The following RPGRIP1L variants were observed in gnomAD, a reference collection of about 807,000 sequenced individuals.
RPGRIP1L encodes protein fantom.
RPGRIP1L carries 131 observed loss-of-function variants against 160.4 expected under a neutral mutation model. That is an observed-to-expected ratio of 0.82 (90% CI 0.71 to 0.94). The LOEUF (loss-of-function observed/expected upper bound fraction) is 0.94. RPGRIP1L is among the 40% of genes least tolerant of loss of function. RPGRIP1L has a pLI of 0.00. For missense variants in RPGRIP1L, 1,522 were observed against 1,535.8 expected, an observed-to-expected ratio of 0.99 and a Z score of 0.15; for synonymous variants, 510 against 515.8, an observed-to-expected ratio of 0.99 and a Z score of 0.15.
intron 6 of RPGRIP1L, among the ~76,000 whole-genome samples, chr16:53,683,744 A>G (rs200360162): frequency 7.3e-6 from 1 of 137,234 alleles, no homozygotes; most frequent in Non-Finnish European, 1.6e-5. Flanking sequence ...TTCAAGAAAG[A>G]ATATTTAAAA....
chr16:53,676,445 C>CT (rs963444336), intron 6 of RPGRIP1L, among the ~76,000 whole-genome samples: 6 of 151,776 alleles, frequency 4.0e-5, no homozygotes, highest in Non-Finnish European at 5.9e-5. Flanking sequence ...AGAAAATATT[C>CT]TTTTTTTCAT....
In RPGRIP1L at chr16:53,646,029, A is replaced by G. The variant is rs775555159; in HGVS notation, c.2305-26T>C. The G allele has an allele frequency of 8.7e-6, 14 of 1,610,272 alleles. No homozygotes were observed. The East Asian group carries it at 3.1e-4, about 36-fold the overall frequency. On this transcript the variant is annotated intron_variant, in intron 16 of 26. Coordinates refer to ENST00000647211, the MANE Select transcript of RPGRIP1L (RefSeq NM_015272.5). The stretch of plus-strand genomic sequence containing the variant: ...CTGGAAAAACATACATATTTATATT[A>G]AGGAAATAACACAGTTAAAAGATGA...
chr16:53,703,859 C>T lies in RPGRIP1L; in HGVS notation c.-64G>A, dbSNP rs904441080. 4 of 504,830 alleles carry T rather than the reference C, an allele frequency of 7.9e-6. No individual in the cohort carries two copies. Among genetic ancestry groups the T allele is most frequent in the East Asian group, 3.6e-5 (1 of 28,132 alleles). 31.3% of individuals were successfully genotyped at this position (504,830 alleles called of 1,614,324 possible). A position where few individuals can be genotyped will look rare whatever the true frequency, so the allele number is the denominator to read the frequency against. On this transcript the variant is annotated 5_prime_UTR_variant, in exon 1 of 27. Transcript: ENST00000647211. ...GCTATAGCGCCGACAGCGTGGCGGG[C>T]GGCTGGCCGAGAGGAGCACGGGAGA...
At chr16:53,645,285 G>A (rs1398593328) in intron 17 of RPGRIP1L, among the ~76,000 whole-genome samples, 1 of 151,712 alleles carries the variant, frequency 6.6e-6, no homozygotes, top group Admixed American at 6.6e-5. Flanking sequence ...AATACATAGA[G>A]ATGCATACTA....
chr16:53,641,768 A>G (rs1420568100), intron 17 of RPGRIP1L, among the ~76,000 whole-genome samples: 1 of 152,210 alleles, frequency 6.6e-6, no homozygotes, highest in Non-Finnish European at 1.5e-5. Flanking sequence ...CAATTAATTT[A>G]TAAATAACTT....
Position 53,602,141 on chromosome 16 carries a change from T to C in RPGRIP1L, c.3883A>G (p.Thr1295Ala). The C allele has an allele frequency of 6.2e-7, 1 of 1,614,052 alleles. No individual in the cohort carries two copies. The highest frequency in any genetic ancestry group is 8.5e-7 in the Non-Finnish European group (1 of 1,179,948). Reference protein sequence around the residue: ...DGEGIGKLRVTVEALHALQSV... With the variant: ...DGEGIGKLRVAVEALHALQSV... ...TGGAGGGCATGGAGAGCTTCGACTG[T>C]TACCCTGAGCTTGCCAATACCTTCA... is the stretch of plus-strand genomic sequence containing the variant. The change falls in exon 27 of 27, where the codon ACA (threonine) becomes GCA (alanine). Residue 1295 changes from threonine (T) to alanine (A), a missense_variant. Physicochemically the swap from Thr to Ala is moderately conservative, Grantham distance 58. Transcript: ENST00000647211.
chr16:53,682,615 A>T (rs867019483), intron 6 of RPGRIP1L, among the ~76,000 whole-genome samples: 6 of 152,294 alleles, frequency 3.9e-5, no homozygotes, highest in Middle Eastern at 3.4e-3. Context: ...ATAACCTTGT[A>T]CTCAGTGGTT....
intron 22 of RPGRIP1L, among the ~76,000 whole-genome samples, chr16:53,630,046 TTGTG>T (rs534679029): frequency 1.3e-5 from 2 of 151,826 alleles, no homozygotes; most frequent in Admixed American, 1.3e-4. Flanking sequence ...TGTATTTCTT[TTGTG>T]TGTGTGTGTG....
At chr16:53,678,173 G>A (rs1428223940) in intron 6 of RPGRIP1L, among the ~76,000 whole-genome samples, 2 of 149,662 alleles carry the variant, frequency 1.3e-5, no homozygotes, top group African/African-American at 4.9e-5. Context: ...TTTAAATTAT[G>A]ATCAAATCTT....
chr16:53,651,534 C>CACTG, intron 15 of RPGRIP1L, among the ~76,000 whole-genome samples: 1 of 152,294 alleles, frequency 6.6e-6, no homozygotes, highest in South Asian at 2.1e-4. Context: ...TTGCTGCAGG[C>CACTG]ACTGGGCTTA....
Position 53,666,592 on chromosome 16 carries a change from G to GTGTA in RPGRIP1L, c.1104-1584_1104-1583insTACA, listed in dbSNP as rs1555608921. ...TGTGTGTGTGTGTGTGTGTGTGTGT[G>GTGTA]TATATATATATATATGTATGTATGT... On this transcript the variant is annotated intron_variant, in intron 9 of 26. Coordinates refer to ENST00000647211, the MANE Select transcript of RPGRIP1L (RefSeq NM_015272.5). Among the ~76,000 whole-genome samples, 1,211 of 147,416 alleles carry GTGTA rather than the reference G, an allele frequency of 8.2e-3. 12 individuals are homozygous for GTGTA. Among genetic ancestry groups the GTGTA allele is most frequent in the South Asian group, 0.034 (156 of 4,646 alleles).
At chr16:53,640,785 A>C (rs998833297) in intron 19 of RPGRIP1L, among the ~76,000 whole-genome samples, 1 of 152,148 alleles carries the variant, frequency 6.6e-6, no homozygotes, top group African/African-American at 2.4e-5. Flanking sequence ...AGACTTAAAA[A>C]AAAAATAGGA....
At chr16:53,696,377 G>C in intron 2 of RPGRIP1L, 82 bp from the exon 3 acceptor site, 1 of 1,415,278 alleles carries the variant, frequency 7.1e-7, no homozygotes, top group Non-Finnish European at 1.0e-6. Context: ...AATCTCTGAT[G>C]CACTCATCTG....
At chr16:53,686,332 AT>A in intron 6 of RPGRIP1L, 100 bp downstream of exon 6, 1 of 1,265,400 alleles carries the variant, frequency 7.9e-7, no homozygotes, top group Non-Finnish European at 1.1e-6. Flanking sequence ...TAAAAACATG[AT>A]TTTTAAATAG....
In RPGRIP1L at chr16:53,621,298, C is replaced by T. The variant is rs199699670; in HGVS notation, c.3432+921G>A. Among the ~76,000 whole-genome samples the T allele has an allele frequency of 1.6e-4, 24 of 152,162 alleles. No homozygotes were observed. The East Asian group carries it at 4.4e-3, about 28-fold the overall frequency. ...CCTAGATAAAACTATTCACTTGGAT[C>T]CTAGCCAAAACACAGAAACAAAATA... On this transcript the variant is annotated intron_variant, in intron 23 of 26. Transcript: ENST00000647211.
At position 53,600,520 on chromosome 16, in the gene RPGRIP1L, C is replaced by A. The variant is rs1963335508; in HGVS notation, c.*1556G>T. ...AATTTATAGATTTCTGTGGTCAGAT[C>A]ATACTCTACTGGTCCCACAATGTAC... On this transcript the variant is annotated 3_prime_UTR_variant, in exon 27 of 27. Coordinates refer to ENST00000647211, the MANE Select transcript of RPGRIP1L (RefSeq NM_015272.5). The A allele has an allele frequency of 6.6e-6, 1 of 152,632 alleles. No individual in the cohort carries two copies. The highest frequency in any genetic ancestry group is 1.5e-5 in the Non-Finnish European group (1 of 68,042). The allele number at this position is 152,632 out of a possible 1,614,324, so 9.5% of individuals were successfully genotyped here.
At position 53,671,524 on chromosome 16, in the gene RPGRIP1L, A is replaced by G; in HGVS notation, c.1089T>C (p.Asp363=). 6.3e-7 allele frequency: 1 copy of G among 1,575,942 alleles called. No individual in the cohort carries two copies. Residue 363 remains aspartate (D), a synonymous_variant, in exon 9 of 27, where the codon GAT becomes GAC. Transcript: ENST00000647211. Reference sequence around the variant, plus strand: ...TCACGATTTACCTGTCATAAAGTTTATCATAGTTTTCCTTTAAAAGTTCCC... The same window carrying G: ...TCACGATTTACCTGTCATAAAGTTTGTCATAGTTTTCCTTTAAAAGTTCCC... ...KERELLKENY[D]KLYDSAFSAA... is the part of the protein sequence containing the mutation.
intron 25 of RPGRIP1L, among the ~76,000 whole-genome samples, chr16:53,606,357 T>C (rs1292367323): frequency 1.3e-5 from 2 of 152,232 alleles, no homozygotes; most frequent in Non-Finnish European, 2.9e-5. Flanking sequence ...CTTGGCAGCA[T>C]AGCTTAAACC....
intron 22 of RPGRIP1L, chr16:53,628,844 C>T (rs765639825): frequency 2.6e-5 from 4 of 152,090 alleles, no homozygotes; most frequent in Non-Finnish European, 4.4e-5. Context: ...AACATTGTCA[C>T]GGTGTCCTTA....
Sources: gnomAD v4.1 joint callset for allele counts (sites outside exome capture counted in the v4.1 genomes callset) on GRCh38, gnomAD v4.1.1 for gene constraint, MANE v1.5 for transcripts, NCBI Gene and HGNC (gene_info 2026-07-23, HGNC 2026-07-21) for gene names.